Variants in PRH1 observed in about 807,000 individuals in gnomAD.
PRH1 encodes salivary acidic proline-rich phosphoprotein 1/2.
In PRH1, 7 loss-of-function variants were observed where a neutral mutation model predicts 7.9. The observed-to-expected ratio is 0.89, with a 90% CI of 0.50 to 1.67. The LOEUF (loss-of-function observed/expected upper bound fraction) is 1.67, where lower values mean the gene tolerates loss of function less well. Among genes scored for constraint, PRH1 ranks in the 40% most tolerant of loss-of-function variants. The pLI is 0.00. For synonymous variants in PRH1, 45 were observed against 80.8 expected (o/e 0.56, Z 2.38); for missense variants, 109 against 223.6 (o/e 0.49, Z 3.27).
At chr12:11,058,504 G>C (rs1289095600) in intron 1 of PRH1, among the ~76,000 whole-genome samples, 3 of 152,286 alleles carry the variant, frequency 2.0e-5, no homozygotes, top group Admixed American at 2.0e-4. Context: ...GGGGCCTACT[G>C]GGATTTTGGA....
chr12:10,926,724 T>C (rs1231622332), intron 2 of PRH1, among the ~76,000 whole-genome samples: 6 of 152,106 alleles, frequency 3.9e-5, no homozygotes, highest in Admixed American at 3.9e-4. Context: ...ATTTTGAAGG[T>C]GGAAGAAATT....
intron 2 of PRH1, among the ~76,000 whole-genome samples, chr12:10,947,409 T>G (rs897394910): frequency 2.0e-5 from 3 of 151,830 alleles, no homozygotes; most frequent in Non-Finnish European, 4.4e-5. Context: ...TTAAAAAACT[T>G]TCATTTGTTT....
At chr12:11,026,989 GC>G (rs1219318831) in intron 1 of PRH1, among the ~76,000 whole-genome samples, 2 of 152,192 alleles carry the variant, frequency 1.3e-5, no homozygotes, top group African/African-American at 4.8e-5. Context: ...TACAGACCAG[GC>G]CCTGTGGCAC....
intron 1 of PRH1, among the ~76,000 whole-genome samples, chr12:11,130,725 C>T (rs540837752): frequency 6.6e-6 from 1 of 152,256 alleles, no homozygotes; most frequent in East Asian, 1.9e-4. Context: ...AAGACCATTC[C>T]CTCTTCAGCA....
At position 10,882,387 on chromosome 12, in the gene PRH1, G is replaced by A. The variant is rs372138349; in HGVS notation, c.412C>T (p.His138Tyr). 23 of 1,602,918 alleles carry A rather than the reference G, an allele frequency of 1.4e-5. No homozygotes were observed. The African/African-American group carries it at 2.6e-4, about 18-fold the overall frequency. Residue 138 changes from histidine to tyrosine, a missense_variant, in exon 3 of 4, where the codon CAT becomes TAT. By Grantham distance (83) the His-to-Tyr change is moderately conservative. Around this residue, in one of 3 missense-constraint regions of PRH1, gnomAD observed 45 missense variants for 88.8 expected, o/e 0.51. Transcript: ENST00000543626. ...RPQGPPQQGG[H>Y]PRPPRGRPQG... Reference sequence around the variant, plus strand: ...GGCCTTCCTCGAGGAGGACGGGGATGGCCTCCCTGTTGGGGTGGTCCTTGT... The same window carrying A: ...GGCCTTCCTCGAGGAGGACGGGGATAGCCTCCCTGTTGGGGTGGTCCTTGT...
At chr12:11,065,603 C>CT (rs1352805241) in intron 1 of PRH1, among the ~76,000 whole-genome samples, 1 of 152,148 alleles carries the variant, frequency 6.6e-6, no homozygotes, top group Non-Finnish European at 1.5e-5. Flanking sequence ...ATTCATTACT[C>CT]TTTTTTATCT....
downstream of PRH1, among the ~76,000 whole-genome samples, chr12:11,115,941 A>C (rs557841575): frequency 6.6e-6 from 1 of 152,096 alleles, no homozygotes; most frequent in Non-Finnish European, 1.5e-5. Context: ...TACATCAGAA[A>C]AGAAGAAAAA....
At chr12:11,140,863 A>G (rs188247463) in intron 1 of PRH1, among the ~76,000 whole-genome samples, 1 of 152,090 alleles carries the variant, frequency 6.6e-6, no homozygotes, top group Non-Finnish European at 1.5e-5. Context: ...GATAGCTAGG[A>G]TCATCACCAA....
intron 2 of PRH1, among the ~76,000 whole-genome samples, chr12:10,890,529 C>A (rs1479167039): frequency 2.0e-5 from 3 of 151,322 alleles, no homozygotes; most frequent in African/African-American, 7.3e-5. Flanking sequence ...CTGCTATCTT[C>A]TATTTGAGTA....
At chr12:11,020,479 A>G (rs1441555310) in intron 1 of PRH1, among the ~76,000 whole-genome samples, 5 of 151,800 alleles carry the variant, frequency 3.3e-5, no homozygotes, top group Non-Finnish European at 5.9e-5. Flanking sequence ...TTAAAATTTC[A>G]TAACACCAAG....
In PRH1 at chr12:11,038,752, T is replaced by A. The variant is rs527380615; in HGVS notation, c.-126+8268A>T. Among the ~76,000 whole-genome samples the A allele has an allele frequency of 4.1e-5, 5 of 123,176 alleles. No individual in the cohort carries two copies. In the Admixed American group the frequency reaches 4.4e-4, roughly 11 times the overall value. 80.8% of individuals were successfully genotyped at this position (123,176 alleles called of 152,430 possible). A position where few individuals can be genotyped will look rare whatever the true frequency, so the allele number is the denominator to read the frequency against. ...TGAAACTCAGTGATATGCATGTGAA[T>A]GTATATGTATTCTGATAAGAGTATA... On this transcript the variant is annotated intron_variant, in intron 1 of 3. Coordinates refer to the PRH1 transcript ENST00000539853.
intron 1 of PRH1, among the ~76,000 whole-genome samples, chr12:10,988,606 T>C (rs1939767308): frequency 6.6e-6 from 1 of 152,096 alleles, no homozygotes; most frequent in Non-Finnish European, 1.5e-5. Context: ...AATACAATTA[T>C]AATGCACACT....
At chr12:10,946,912 T>C (rs1337354455) in intron 2 of PRH1, among the ~76,000 whole-genome samples, 1 of 152,216 alleles carries the variant, frequency 6.6e-6, no homozygotes, top group East Asian at 1.9e-4. Flanking sequence ...AGGAGCATGA[T>C]GTTTAATTTC....
rs577784067 is a variant in PRH1, at chr12:11,031,180, C to T, written c.-126+15840G>A. 32 of 1,614,170 alleles carry T rather than the reference C, an allele frequency of 2.0e-5. No individual in the cohort carries two copies. In the East Asian group the frequency reaches 5.6e-4, roughly 28 times the overall value. ...CCCAGAGCAAACCAACTCTGGAGAC[C>T]GCCAGAGCAGTGAGAATCTGGTCAG... On this transcript the variant is annotated intron_variant, in intron 1 of 3. Transcript: ENST00000539853.
chr12:10,909,031 T>C (rs771321314), intron 2 of PRH1: 1 of 1,613,680 alleles, frequency 6.2e-7, no homozygotes, highest in Non-Finnish European at 8.5e-7. Flanking sequence ...TTAGAAACTA[T>C]CCAGCTAAAA....
At chr12:10,976,334 T>C (rs896754664) in intron 1 of PRH1, among the ~76,000 whole-genome samples, 7 of 152,080 alleles carry the variant, frequency 4.6e-5, no homozygotes, top group African/African-American at 1.4e-4. Flanking sequence ...TGGGTACATA[T>C]GAAATTAAGG....
chr12:10,992,567 G>A (rs950745322), intron 1 of PRH1, among the ~76,000 whole-genome samples: 4 of 152,046 alleles, frequency 2.6e-5, no homozygotes, highest in East Asian at 1.9e-4. Flanking sequence ...CTACAGGCAC[G>A]CAGTACTACA....
intron 1 of PRH1, 69 bp from the exon 2 acceptor site, chr12:10,883,165 G>T: frequency 6.5e-7 from 1 of 1,533,458 alleles, no homozygotes; most frequent in East Asian, 2.3e-5. Flanking sequence ...AGTGTTCTAC[G>T]AGGATAAAGG....
chr12:11,165,123 G>A (rs1247750278), intron 1 of PRH1, among the ~76,000 whole-genome samples: 3 of 152,154 alleles, frequency 2.0e-5, no homozygotes, highest in Non-Finnish European at 4.4e-5. Context: ...TTACGGGTAT[G>A]TTCTCATTTC....
Sources: gnomAD v4.1 joint callset for allele counts (sites outside exome capture counted in the v4.1 genomes callset) on GRCh38, gnomAD v4.1.1 for gene constraint, gnomAD v4.1.1 regional missense constraint, MANE v1.5 for transcripts, NCBI Gene and HGNC (gene_info 2026-07-23, HGNC 2026-07-21) for gene names.